Variants in MOB1B observed in about 807,000 individuals in gnomAD.
MOB1B encodes the protein MOB kinase activator 1B, also known as MOB1 Mps One Binder homolog B.
A neutral mutation model predicts 24.4 loss-of-function variants in MOB1B; 19 were observed. That is an observed-to-expected ratio of 0.78 (90% CI 0.54 to 1.14). The LOEUF (loss-of-function observed/expected upper bound fraction) is 1.14. Among genes scored for constraint, MOB1B ranks in the 50% most tolerant of loss-of-function variants. MOB1B has a pLI of 0.00. For missense variants in MOB1B, 243 were observed against 259.6 expected (o/e 0.94, Z 0.44); for synonymous variants, 76 against 82.1 (o/e 0.93, Z 0.40).
intron 1 of MOB1B, among the ~76,000 whole-genome samples, chr4:70,942,487 T>C (rs1230636941): frequency 1.3e-5 from 2 of 152,160 alleles, no homozygotes; most frequent in African/African-American, 4.8e-5. Flanking sequence ...ATAAATGCCA[T>C]GGTTTTGAAC....
chr4:70,918,057 T>G (rs1736263187), intron 1 of MOB1B, among the ~76,000 whole-genome samples: 1 of 152,192 alleles, frequency 6.6e-6, no homozygotes, highest in African/African-American at 2.4e-5. Context: ...GGAACATACA[T>G]TATCCACAAA....
chr4:70,975,394 G>C, intron 4 of MOB1B, 108 bp downstream of exon 4: 1 of 1,515,134 alleles, frequency 6.6e-7, no homozygotes, highest in Non-Finnish European at 8.8e-7. Context: ...CTTTATGGCT[G>C]TGTTGATATA....
Position 70,964,341 on chromosome 4 carries a change from A to G in MOB1B, c.181+5301A>G, listed in dbSNP as rs79527883. On this transcript the variant is annotated intron_variant, in intron 2 of 5. Coordinates refer to ENST00000309395, the MANE Select transcript of MOB1B (RefSeq NM_173468.4). ...TACATTTTCAAAAATGGAAACCAAT[A>G]CATTCTCTGACCATGGTGGAATCTG... is the stretch of plus-strand genomic sequence containing the variant. Among the ~76,000 whole-genome samples, 46 of 152,356 alleles carry G rather than the reference A, an allele frequency of 3.0e-4. No individual in the cohort carries two copies. The East Asian group carries it at 7.5e-3, about 25-fold the overall frequency.
At chr4:70,979,011 C>G (rs1318411747) in intron 4 of MOB1B, 117 bp from the exon 5 acceptor site, 7 of 813,654 alleles carry the variant, frequency 8.6e-6, no homozygotes, top group South Asian at 1.7e-5. Context: ...TGTATAAATT[C>G]ATAAATGCTA....
intron 1 of MOB1B, among the ~76,000 whole-genome samples, chr4:70,913,300 G>GTATC (rs1553933737): frequency 3.3e-4 from 48 of 147,424 alleles, no homozygotes; most frequent in Admixed American, 8.1e-4. Flanking sequence ...ATGTATGTAT[G>GTATC]TATCTATGTA....
At chr4:70,930,667 T>G (rs1736853008) in intron 1 of MOB1B, among the ~76,000 whole-genome samples, 1 of 152,222 alleles carries the variant, frequency 6.6e-6, no homozygotes, top group Non-Finnish European at 1.5e-5. Flanking sequence ...CCTGGTAGCT[T>G]AATGAATTTT....
chr4:70,944,046 T>G (rs1370077987), intron 1 of MOB1B, among the ~76,000 whole-genome samples: 1 of 152,174 alleles, frequency 6.6e-6, no homozygotes, highest in South Asian at 2.1e-4. Flanking sequence ...CTGCTAGATA[T>G]CTGTAATACT....
chr4:70,979,052 G>A (rs1413260234), intron 4 of MOB1B, 76 bp from the exon 5 acceptor site: 40 of 1,196,834 alleles, frequency 3.3e-5, no homozygotes, highest in Non-Finnish European at 4.7e-5. Context: ...GGTAATTTAT[G>A]TTGACCTTTG....
At chr4:70,908,063 T>A (rs1316424523) in intron 1 of MOB1B, among the ~76,000 whole-genome samples, 1 of 151,674 alleles carries the variant, frequency 6.6e-6, no homozygotes, top group Non-Finnish European at 1.5e-5. Context: ...TCTCGCTTTT[T>A]CGCCCAGGCT....
intron 1 of MOB1B, among the ~76,000 whole-genome samples, chr4:70,931,888 C>G (rs1350957097): frequency 6.6e-6 from 1 of 151,716 alleles, no homozygotes; most frequent in African/African-American, 2.4e-5. Context: ...ATGCACCATG[C>G]CTGGCTAAGT....
At chr4:70,962,598 A>AAAAATATACTATAAAACTTCTAGG (rs1271827339) in intron 2 of MOB1B, among the ~76,000 whole-genome samples, 1 of 152,198 alleles carries the variant, frequency 6.6e-6, no homozygotes, top group Non-Finnish European at 1.5e-5. Context: ...TTCTAGGAAA[A>AAAAATATACTATAAAACTTCTAGG]AAAAAACAGG....
intron 3 of MOB1B, among the ~76,000 whole-genome samples, chr4:70,974,098 A>C (rs1738878856): frequency 6.6e-6 from 1 of 151,944 alleles, no homozygotes; most frequent in African/African-American, 2.4e-5. Flanking sequence ...TCCACTTTGG[A>C]GTTTCACCTG....
chr4:70,928,603 C>T (rs1408469069), intron 1 of MOB1B, among the ~76,000 whole-genome samples: 2 of 151,992 alleles, frequency 1.3e-5, no homozygotes, highest in South Asian at 2.1e-4. Flanking sequence ...CTGACATTTT[C>T]AAGAATTTCA....
At position 70,982,231 on chromosome 4, in the gene MOB1B, G is replaced by C; in HGVS notation, c.*174G>C. On this transcript the variant is annotated 3_prime_UTR_variant, in exon 6 of 6. Coordinates refer to ENST00000309395, the MANE Select transcript of MOB1B (RefSeq NM_173468.4). The stretch of plus-strand genomic sequence containing the variant: ...ATGTGAAACCATATTCTATTGCTAG[G>C]GGAAGCCAAGAACCATTCTCTATAC... 2 of 505,186 alleles carry C rather than the reference G, an allele frequency of 4.0e-6. No homozygotes were observed. The highest frequency in any genetic ancestry group is 7.0e-6 in the Non-Finnish European group (2 of 284,516). The allele number at this position is 505,186 out of a possible 1,614,324, so 31.3% of individuals were successfully genotyped here. A position where few individuals can be genotyped will look rare whatever the true frequency, so the allele number is the denominator to read the frequency against.
At chr4:70,960,920 T>C (rs1243078973) in intron 2 of MOB1B, among the ~76,000 whole-genome samples, 2 of 152,162 alleles carry the variant, frequency 1.3e-5, no homozygotes, top group Non-Finnish European at 2.9e-5. Flanking sequence ...TAAAAGCAAA[T>C]AATTTTCTGT....
intron 1 of MOB1B, among the ~76,000 whole-genome samples, chr4:70,933,000 A>G (rs568918756): frequency 1.3e-5 from 2 of 152,314 alleles, no homozygotes; most frequent in African/African-American, 4.8e-5. Context: ...CAAATACCAG[A>G]GACTGGGTAA....
At chr4:70,941,372 C>T (rs972809085) in intron 1 of MOB1B, among the ~76,000 whole-genome samples, 3 of 152,152 alleles carry the variant, frequency 2.0e-5, no homozygotes, top group Non-Finnish European at 2.9e-5. Flanking sequence ...GACGGAGTCT[C>T]GCTCTGTTGC....
chr4:70,939,940 C>T (rs555201655), intron 1 of MOB1B, among the ~76,000 whole-genome samples: 1 of 152,330 alleles, frequency 6.6e-6, no homozygotes, highest in South Asian at 2.1e-4. Context: ...TGATTTTCCC[C>T]TGGAGTCTGG....
At chr4:70,941,654 C>T (rs116223528) in intron 1 of MOB1B, among the ~76,000 whole-genome samples, 16 of 152,242 alleles carry the variant, frequency 1.1e-4, no homozygotes, top group African/African-American at 3.6e-4. Flanking sequence ...AAATTTCTTC[C>T]TTCTTTCCCT....
Sources: allele counts gnomAD v4.1 joint callset (sites outside exome capture counted in the v4.1 genomes callset), GRCh38; gene constraint gnomAD v4.1.1; transcripts MANE v1.5; gene names NCBI Gene and HGNC (gene_info 2026-07-23, HGNC 2026-07-21).